The following NDUFS7 variants were observed in gnomAD, a reference collection of about 807,000 sequenced individuals.
NDUFS7 encodes NADH:ubiquinone oxidoreductase core subunit S7, also known as NADH dehydrogenase [ubiquinone] iron-sulfur protein 7, mitochondrial.
In NDUFS7, 11 loss-of-function variants were observed where a neutral mutation model predicts 31.1. That is an observed-to-expected ratio of 0.35 (90% confidence interval 0.22 to 0.59). NDUFS7 has a LOEUF of 0.59. Ranked by LOEUF, NDUFS7 falls within the 20% of genes least tolerant of loss-of-function variation. The probability of loss-of-function intolerance (pLI) is 0.79; values close to 1 mark genes in which losing one functional copy is unlikely to be tolerated. For synonymous variants in NDUFS7, 136 were observed against 127.9 expected (o/e 1.06, Z -0.43); for missense variants, 263 against 324.2 (o/e 0.81, Z 1.45).
chr19:1,389,329 A>G (rs774573999), intron 4 of NDUFS7: 13 of 491,926 alleles, frequency 2.6e-5, no homozygotes, highest in African/African-American at 3.9e-5. Context: ...ATGCACACTC[A>G]CACACATGCA....
At chr19:1,386,291 C>T (rs1315247090) in intron 1 of NDUFS7, among the ~76,000 whole-genome samples, 1 of 152,214 alleles carries the variant, frequency 6.6e-6, no homozygotes, top group Admixed American at 6.5e-5. Flanking sequence ...GCTGATTGTT[C>T]TCACAGTTCT....
chr19:1,390,423 G>T, intron 4 of NDUFS7: 1 of 250,536 alleles, frequency 4.0e-6, no homozygotes, highest in Non-Finnish European at 7.8e-6. Context: ...GAAGCCACAG[G>T]GATGGAGGAG....
In NDUFS7 at chr19:1,395,297, C is replaced by T. The variant is rs771963583; in HGVS notation, c.545-94C>T. 228 of 1,510,974 alleles carry T rather than the reference C, an allele frequency of 1.5e-4. 1 individual carries two copies. The highest frequency in any genetic ancestry group is 1.1e-3 in the South Asian group (87 of 79,956). 93.6% of individuals were successfully genotyped at this position (1,510,974 alleles called of 1,614,324 possible). On this transcript the variant is annotated intron_variant, in intron 7 of 7. Coordinates refer to ENST00000233627, the MANE Select transcript of NDUFS7 (RefSeq NM_024407.5). ...CAGCCTCCACCTTCAGAGGCCGGCC[C>T]GGGAAACCCTTCCAAAGCCGAGCCG... is the stretch of plus-strand genomic sequence containing the variant.
At chr19:1,389,891 C>T in intron 4 of NDUFS7, 3 of 205,902 alleles carry the variant, frequency 1.5e-5, no homozygotes, top group East Asian at 1.5e-4. Flanking sequence ...TAGTTCTTTT[C>T]TTTTTCTTTT....
At chr19:1,383,996 A>G in intron 1 of NDUFS7, 54 bp downstream of exon 1, 2 of 1,530,798 alleles carry the variant, frequency 1.3e-6, no homozygotes, top group South Asian at 1.2e-5. Context: ...GGGCCGTGGG[A>G]GCCTCGGGTG....
chr19:1,384,382 C>T (rs1955268968), intron 1 of NDUFS7, among the ~76,000 whole-genome samples: 1 of 152,226 alleles, frequency 6.6e-6, no homozygotes, highest in Non-Finnish European at 1.5e-5. Flanking sequence ...ATCCACGCCA[C>T]CCTGCTGGAC....
At chr19:1,395,103 G>A in intron 7 of NDUFS7, 2 of 1,328,736 alleles carry the variant, frequency 1.5e-6, no homozygotes, top group Non-Finnish European at 9.7e-7. Flanking sequence ...TGGGGCCGGG[G>A]GCCGGGTTAG....
intron 4 of NDUFS7, 24 bp from the exon 5 acceptor site, chr19:1,390,847 C>G (rs780347582): frequency 1.2e-6 from 2 of 1,602,912 alleles, no homozygotes; most frequent in Admixed American, 1.7e-5. Flanking sequence ...GGGGTGGCGT[C>G]TGACCCGAGC....
Position 1,393,724 on chromosome 19 carries a change from G to A in NDUFS7, c.544+394G>A, listed in dbSNP as rs113682722. On this transcript the variant is annotated intron_variant, in intron 7 of 7. Coordinates refer to ENST00000233627, the MANE Select transcript of NDUFS7 (RefSeq NM_024407.5). This position sits in a 1 kb window ranked among gnomAD's most constrained non-coding sequence, Gnocchi z 7.3. ...GGGCACGCAGGACTCCCTGGGACCC[G>A]GGGTGGCCGGATTTGGCAAATGAAA... The A allele has an allele frequency of 1.2e-3, 623 of 535,208 alleles. 8 individuals are homozygous for A. Among genetic ancestry groups the A allele is most frequent in the African/African-American group, 0.01 (554 of 52,968 alleles). 33.2% of individuals were successfully genotyped at this position (535,208 alleles called of 1,614,324 possible). A position where few individuals can be genotyped will look rare whatever the true frequency, so the allele number is the denominator to read the frequency against.
intron 7 of NDUFS7, chr19:1,394,988 C>A (rs1013445810): frequency 4.4e-6 from 5 of 1,132,438 alleles, no homozygotes; most frequent in Non-Finnish European, 5.4e-6. Context: ...TCCCCTCCCT[C>A]CGCCCAGCCT....
intron 2 of NDUFS7, chr19:1,388,247 G>A (rs1246793563): frequency 1.0e-5 from 6 of 589,864 alleles, no homozygotes; most frequent in Non-Finnish European, 1.5e-5. Flanking sequence ...CCTGCTGCCA[G>A]TTTCCTTCTG....
intron 4 of NDUFS7, chr19:1,390,664 T>C (rs2082548581): frequency 1.6e-6 from 1 of 609,596 alleles, no homozygotes; most frequent in South Asian, 1.9e-5. Context: ...CGTTTCTCTC[T>C]ATTTTATGTA....
chr19:1,388,716 C>A, intron 3 of NDUFS7, 117 bp from the exon 4 acceptor site: 1 of 1,423,856 alleles, frequency 7.0e-7, no homozygotes, highest in South Asian at 1.2e-5. Flanking sequence ...GTCACACATC[C>A]CAGTCCCTGA....
chr19:1,383,920 G>C lies in NDUFS7; in HGVS notation c.-7G>C. On this transcript the variant is annotated 5_prime_UTR_variant, in exon 1 of 8. Coordinates refer to ENST00000233627, the MANE Select transcript of NDUFS7 (RefSeq NM_024407.5). ...ACCTCAGAGGTTGTCTGAAGGCCGA[G>C]GCCAAGATGGCGGTGCTGTCAGGTG... 6.3e-7 allele frequency: 1 copy of C among 1,581,202 alleles called. No homozygotes were observed. The highest frequency in any genetic ancestry group is 8.6e-7 in the Non-Finnish European group (1 of 1,164,714).
At position 1,395,536 on chromosome 19, in the gene NDUFS7, T is replaced by C. The variant is rs1405454736; in HGVS notation, c.*48T>C. 1 of 1,547,334 alleles carries C rather than the reference T, an allele frequency of 6.5e-7. No homozygotes were observed. Among genetic ancestry groups the C allele is most frequent in the Non-Finnish European group, 8.7e-7 (1 of 1,144,046 alleles). ...GCCTGTCGCCGTCCTGTCCCCAGCC[T>C]GCTTGTGTCCCGTGAGGTTGTCAAT... is the stretch of plus-strand genomic sequence containing the variant. On this transcript the variant is annotated 3_prime_UTR_variant, in exon 8 of 8. Coordinates refer to ENST00000233627, the MANE Select transcript of NDUFS7 (RefSeq NM_024407.5).
At chr19:1,395,045 C>T in intron 7 of NDUFS7, 1 of 1,202,370 alleles carries the variant, frequency 8.3e-7, no homozygotes, top group African/African-American at 1.6e-5. Context: ...CTGCTCCCCA[C>T]TGCTAAGTGT....
chr19:1,384,314 C>A (rs1335025011), intron 1 of NDUFS7, among the ~76,000 whole-genome samples: 2 of 152,116 alleles, frequency 1.3e-5, no homozygotes, highest in South Asian at 2.1e-4. Context: ...GAAACTGAGG[C>A]CCATTGAGGG....
In NDUFS7 at chr19:1,393,996, A is replaced by C. The variant is rs564783708; in HGVS notation, c.544+666A>C. 523 of 250,204 alleles carry C rather than the reference A, an allele frequency of 2.1e-3. 1 individual carries two copies. The highest frequency in any genetic ancestry group is 2.5e-3 in the Non-Finnish European group (315 of 126,100). 15.5% of individuals were successfully genotyped at this position (250,204 alleles called of 1,614,324 possible). A position where few individuals can be genotyped will look rare whatever the true frequency, so the allele number is the denominator to read the frequency against. On this transcript the variant is annotated intron_variant, in intron 7 of 7. Coordinates refer to ENST00000233627, the MANE Select transcript of NDUFS7 (RefSeq NM_024407.5). This position sits in a 1 kb window ranked among gnomAD's most constrained non-coding sequence, Gnocchi z 7.3. ...CATCCCCCCGGGCGTTCACCTTGAC[A>C]GTGGTCCACGGTAGGCAGGCTTGGA...
chr19:1,390,237 T>C (rs569878221), intron 4 of NDUFS7: 1 of 161,844 alleles, frequency 6.2e-6, no homozygotes, highest in South Asian at 1.8e-4. Context: ...ACCTGAGACA[T>C]GGCCAGCGGC....
Sources: gnomAD v4.1 joint callset for allele counts (sites outside exome capture counted in the v4.1 genomes callset) on GRCh38, gnomAD v4.1.1 for gene constraint, Gnocchi (gnomAD v3.1) non-coding constraint, MANE v1.5 for transcripts, NCBI Gene and HGNC (gene_info 2026-07-23, HGNC 2026-07-21) for gene names.